The following GRAMD2A variants were observed in gnomAD, a reference collection of about 807,000 sequenced individuals.
The protein encoded by GRAMD2A is GRAM domain containing 2A.
In GRAMD2A, 37 loss-of-function variants were observed where a neutral mutation model predicts 51.1. The ratio of observed to expected loss-of-function variants is 0.72; its 90% CI spans 0.56 to 0.95. GRAMD2A has a LOEUF of 0.95. GRAMD2A is among the 40% of genes least tolerant of loss of function. The pLI, the probability that GRAMD2A is intolerant of heterozygous loss-of-function variation, is 0.00. For synonymous variants in GRAMD2A, 136 were observed against 157.1 expected (o/e 0.87, Z 1.01); for missense variants, 414 against 426.9 (o/e 0.97, Z 0.27).
At position 72,170,581 on chromosome 15, in the gene GRAMD2A, G is replaced by A. The variant is rs1333177985; in HGVS notation, c.42-642C>T. On this transcript the variant is annotated intron_variant, in intron 1 of 11. Transcript: ENST00000309731. This position sits in a 1 kb window ranked among gnomAD's most constrained non-coding sequence, Gnocchi z 4.5. Reference sequence around the variant, plus strand: ...CTCAAAAATGTCCCTGAGGGAGAGCGTAGGAGGGAACAGATCCTCTCTCCC... The same window carrying A: ...CTCAAAAATGTCCCTGAGGGAGAGCATAGGAGGGAACAGATCCTCTCTCCC... 5.3e-5 allele frequency among the ~76,000 whole-genome samples: 8 copies of A among 152,168 alleles called. No individual in the cohort carries two copies. The highest frequency in any genetic ancestry group is 4.1e-4 in the South Asian group (2 of 4,832).
At chr15:72,195,288 CG>C (rs2081796796) in intron 1 of GRAMD2A, among the ~76,000 whole-genome samples, 1 of 152,162 alleles carries the variant, frequency 6.6e-6, no homozygotes. Context: ...GCCCAGAAAG[CG>C]GAAGTGACTT....
chr15:72,166,495 G>C lies in GRAMD2A; in HGVS notation c.543+137C>G. On this transcript the variant is annotated intron_variant, in intron 7 of 11. Transcript: ENST00000309731. The surrounding 1 kb of genome is among the most constrained non-coding windows in gnomAD (Gnocchi z 4.1). ...CCAAGTACTGTCTCTTGTACATTGAGCCTGAGCCTTTAACTCCCCTCTCCC... is the reference window on the plus strand; with the variant it reads ...CCAAGTACTGTCTCTTGTACATTGACCCTGAGCCTTTAACTCCCCTCTCCC... 1 of 686,058 alleles carries C rather than the reference G, an allele frequency of 1.5e-6. No individual in the cohort carries two copies. Among genetic ancestry groups the C allele is most frequent in the South Asian group, 1.6e-5 (1 of 61,462 alleles). 42.5% of individuals were successfully genotyped at this position (686,058 alleles called of 1,614,324 possible).
chr15:72,163,649 CTG>C lies in GRAMD2A; in HGVS notation c.707_708del (p.Thr236ArgfsTer13). The C allele has an allele frequency of 6.2e-7, 1 of 1,604,908 alleles. No individual in the cohort carries two copies. Among genetic ancestry groups the C allele is most frequent in the Non-Finnish European group, 8.5e-7 (1 of 1,176,806 alleles). ...PCIPPSSVDS[T>X]DSFFPSRKPP... ...GGCTTCCTGGAGGGGAAGAAACTGT[CTG>C]TGGAGTCCACGGATGATGGAGGGAT... is the stretch of plus-strand genomic sequence containing the variant. On this transcript the variant is annotated frameshift_variant, in exon 9 of 12. Coordinates refer to ENST00000309731, the MANE Select transcript of GRAMD2A (RefSeq NM_001012642.3). LOFTEE classifies it high-confidence loss of function.
intron 1 of GRAMD2A, among the ~76,000 whole-genome samples, chr15:72,180,975 G>A (rs970952841): frequency 7.2e-5 from 11 of 152,240 alleles, no homozygotes; most frequent in African/African-American, 2.4e-4. Flanking sequence ...ACCATGGAGG[G>A]CAAGGAAGAC....
rs760310369 is a variant in GRAMD2A, at chr15:72,168,523, T to G, written c.236A>C (p.Lys79Thr). The G allele has an allele frequency of 2.5e-6, 4 of 1,613,862 alleles. No homozygotes were observed. The South Asian group carries it at 4.4e-5, about 18-fold the overall frequency. ...AACCACTTCCTCCAAGGGAACATCC[T>G]TAAACAGCTTGTGGTATTGCTGGTT... ...KYNQQYHKLF[K>T]DVPLEEVVLK... The change falls in exon 4 of 12, where the codon AAG (lysine) becomes ACG (threonine). Residue 79 changes from lysine to threonine, a missense_variant. Physicochemically the swap from Lys to Thr is moderately conservative, Grantham distance 78 (BLOSUM62 -1). Transcript: ENST00000309731.
intron 4 of GRAMD2A, 46 bp downstream of exon 4, chr15:72,168,445 C>G: frequency 7.0e-7 from 1 of 1,426,776 alleles, no homozygotes; most frequent in Non-Finnish European, 9.9e-7. Context: ...GCCCCTGGCC[C>G]CAGGCACTCT....
chr15:72,172,156 T>C lies in GRAMD2A; in HGVS notation c.42-2217A>G, dbSNP rs1465101888. Among the ~76,000 whole-genome samples, 8 of 151,968 alleles carry C rather than the reference T, an allele frequency of 5.3e-5. 1 individual carries two copies. The highest frequency in any genetic ancestry group is 2.0e-4 in the Admixed American group (3 of 15,268). On this transcript the variant is annotated intron_variant, in intron 1 of 11. Transcript: ENST00000309731. ...TTTTTTGAGACAGGGTTTCACTCTGTCGCCCAGGCTACAGTACAGTGGCGC... is the reference window on the plus strand; with the variant it reads ...TTTTTTGAGACAGGGTTTCACTCTGCCGCCCAGGCTACAGTACAGTGGCGC...
At position 72,168,825 on chromosome 15, in the gene GRAMD2A, G is replaced by T. The variant is rs76531156; in HGVS notation, c.192+114C>A. 140 of 949,764 alleles carry T rather than the reference G, an allele frequency of 1.5e-4. No individual in the cohort carries two copies. The East Asian group carries it at 3.2e-3, about 22-fold the overall frequency. The allele number at this position is 949,764 out of a possible 1,614,324, so 58.8% of individuals were successfully genotyped here. A position where few individuals can be genotyped will look rare whatever the true frequency, so the allele number is the denominator to read the frequency against. On this transcript the variant is annotated intron_variant, in intron 3 of 11. Transcript: ENST00000309731. ...CACCCAGGAAGGGATACACACTCAG[G>T]TCTCCTGATTTCCTGATGACAGGCC...
chr15:72,162,822 A>C, intron 10 of GRAMD2A: 1 of 207,596 alleles, frequency 4.8e-6, no homozygotes, highest in Non-Finnish European at 9.8e-6. Flanking sequence ...AGGTGAGGGA[A>C]AGCAGGGGCT....
Position 72,166,862 on chromosome 15 carries a change from G to A in GRAMD2A, c.471+132C>T. ...GAACTTCTCTTCCAGCTTGTTGTAC[G>A]GCCTGAAATACCTACTGGAGAGCTG... On this transcript the variant is annotated intron_variant, in intron 6 of 11. Transcript: ENST00000309731. This position sits in a 1 kb window ranked among gnomAD's most constrained non-coding sequence, Gnocchi z 4.1. 7.6e-6 allele frequency: 7 copies of A among 921,108 alleles called. No homozygotes were observed. The highest frequency in any genetic ancestry group is 1.4e-5 in the South Asian group (1 of 71,908). 57.1% of individuals were successfully genotyped at this position (921,108 alleles called of 1,614,324 possible).
intron 9 of GRAMD2A, 35 bp from the exon 10 acceptor site, chr15:72,163,511 C>G: frequency 6.2e-7 from 1 of 1,606,416 alleles, no homozygotes; most frequent in Non-Finnish European, 8.5e-7. Context: ...AATCAGCTCT[C>G]AGAAGCCCTG....
At chr15:72,169,167 A>T in intron 2 of GRAMD2A, 171 bp from the exon 3 acceptor site, 1 of 648,054 alleles carries the variant, frequency 1.5e-6, no homozygotes, top group Non-Finnish European at 2.8e-6. Context: ...ACACAGCTAA[A>T]CTATACAGCT....
rs913886353 is a variant in GRAMD2A, at chr15:72,166,514, C to G, written c.543+118G>C. The G allele has an allele frequency of 1.3e-6, 1 of 746,786 alleles. No individual in the cohort carries two copies. Among genetic ancestry groups the G allele is most frequent in the Non-Finnish European group, 2.4e-6 (1 of 416,298 alleles). 46.3% of individuals were successfully genotyped at this position (746,786 alleles called of 1,614,324 possible). A position where few individuals can be genotyped will look rare whatever the true frequency, so the allele number is the denominator to read the frequency against. ...CATTGAGCCTGAGCCTTTAACTCCC[C>G]TCTCCCTGCCCCATTCCCTGTGCTG... On this transcript the variant is annotated intron_variant, in intron 7 of 11. Transcript: ENST00000309731. The surrounding 1 kb of genome is among the most constrained non-coding windows in gnomAD (Gnocchi z 4.1).
chr15:72,166,720 A>C lies in GRAMD2A; in HGVS notation c.472-17T>G. On this transcript the variant is annotated splice_polypyrimidine_tract_variant and intron_variant, in intron 6 of 11. Coordinates refer to ENST00000309731, the MANE Select transcript of GRAMD2A (RefSeq NM_001012642.3). This position sits in a 1 kb window ranked among gnomAD's most constrained non-coding sequence, Gnocchi z 4.1. The stretch of plus-strand genomic sequence containing the variant: ...AAAGATATACTGGGACATGGAAAGA[A>C]AACAGACAGGGGTAGGGTGAGATGA... The C allele has an allele frequency of 6.2e-7, 1 of 1,605,448 alleles. No homozygotes were observed. The highest frequency in any genetic ancestry group is 1.1e-5 in the South Asian group (1 of 90,940).
In GRAMD2A at chr15:72,186,328, A is replaced by ATT. The variant is rs34888558; in HGVS notation, c.41+11401_41+11402dup. Among the ~76,000 whole-genome samples, 96 of 144,812 alleles carry ATT rather than the reference A, an allele frequency of 6.6e-4. 1 individual carries two copies. The highest frequency in any genetic ancestry group is 3.6e-3 in the Middle Eastern group (1 of 278). On this transcript the variant is annotated intron_variant, in intron 1 of 11. Coordinates refer to ENST00000309731, the MANE Select transcript of GRAMD2A (RefSeq NM_001012642.3). The stretch of plus-strand genomic sequence containing the variant: ...TCTTTTTCTTTTATTTATTTATTTA[A>ATT]TTTTTTTTTTTTTTGAGACAGAGTC...
At chr15:72,179,143 G>T (rs1269596191) in intron 1 of GRAMD2A, among the ~76,000 whole-genome samples, 1 of 152,196 alleles carries the variant, frequency 6.6e-6, no homozygotes, top group African/African-American at 2.4e-5. Flanking sequence ...CCGGGAACGG[G>T]CTTGCTCTCC....
chr15:72,174,936 C>G (rs2081641555), intron 1 of GRAMD2A, among the ~76,000 whole-genome samples: 1 of 152,044 alleles, frequency 6.6e-6, no homozygotes, highest in Non-Finnish European at 1.5e-5. Context: ...CTCCAAATAC[C>G]CACACCAGGC....
At chr15:72,191,774 CAGAAAAAGTTAT>C (rs1205264221) in intron 1 of GRAMD2A, among the ~76,000 whole-genome samples, 1 of 151,786 alleles carries the variant, frequency 6.6e-6, no homozygotes, top group Non-Finnish European at 1.5e-5. Context: ...ATCAACACAT[CAGAAAAAGTTAT>C]AGAAAACATA....
Position 72,165,353 on chromosome 15 carries a change from C to T in GRAMD2A, c.600+1G>A, listed in dbSNP as rs145359677. ...TCTTTGCTCCCAGCTTCAGCTCTCA[C>T]CAGAGACTCAGGTTCCCCTGAAAAT... On this transcript the variant is annotated splice_donor_variant, in intron 8 of 11. Coordinates refer to ENST00000309731, the MANE Select transcript of GRAMD2A (RefSeq NM_001012642.3). LOFTEE classifies it high-confidence loss of function. 5 of 1,613,810 alleles carry T rather than the reference C, an allele frequency of 3.1e-6. No individual in the cohort carries two copies. The highest frequency in any genetic ancestry group is 1.3e-5 in the African/African-American group (1 of 74,936).
Sources: gnomAD v4.1 joint callset for allele counts (sites outside exome capture counted in the v4.1 genomes callset) on GRCh38, gnomAD v4.1.1 for gene constraint, Gnocchi (gnomAD v3.1) non-coding constraint, MANE v1.5 for transcripts, NCBI Gene and HGNC (gene_info 2026-07-23, HGNC 2026-07-21) for gene names.